GNB1: variants seen among roughly 807,000 people sequenced by gnomAD.
GNB1 encodes the protein G protein subunit beta 1.
Under a neutral mutation model 42.9 loss-of-function variants are expected in GNB1, and 2 were observed. That is an observed-to-expected ratio of 0.05 (90% CI 0.02 to 0.15). The LOEUF is 0.15. Among genes scored for constraint, GNB1 ranks in the 10% least tolerant of loss-of-function variants. The pLI is 1.00. For missense variants in GNB1, 193 were observed against 462.2 expected (o/e 0.42, Z 5.34); for synonymous variants, 183 against 174.7 (o/e 1.05, Z -0.38).
chr1:1,804,946 G>T (rs1646677007), intron 6 of GNB1, among the ~76,000 whole-genome samples: 1 of 152,068 alleles, frequency 6.6e-6, no homozygotes, highest in Non-Finnish European at 1.5e-5. Flanking sequence ...GATCACCTGA[G>T]GTCAGGAGTT....
intron 5 of GNB1, among the ~76,000 whole-genome samples, chr1:1,806,791 T>C (rs1316742857): frequency 6.6e-6 from 1 of 152,122 alleles, no homozygotes; most frequent in Admixed American, 6.6e-5. Context: ...CTGGCCAGCA[T>C]GGCGAAACCC....
At chr1:1,837,553 C>G (rs911467443) in intron 2 of GNB1, among the ~76,000 whole-genome samples, 8 of 146,912 alleles carry the variant, frequency 5.4e-5, no homozygotes, top group Non-Finnish European at 9.0e-5. Flanking sequence ...CATGCCTGGC[C>G]TTTTTGTTTT....
intron 10 of GNB1, chr1:1,788,844 C>A: frequency 5.6e-6 from 3 of 539,436 alleles, no homozygotes; most frequent in Middle Eastern, 5.1e-4. Flanking sequence ...CCCTCCCCGA[C>A]GCATGTGGGA....
intron 5 of GNB1, among the ~76,000 whole-genome samples, chr1:1,810,780 G>A (rs1198029011): frequency 6.7e-5 from 10 of 148,728 alleles, no homozygotes; most frequent in African/African-American, 2.5e-4. Flanking sequence ...CGATTATCCT[G>A]CCTCAGCCTC....
At chr1:1,819,395 A>G (rs1382881057) in intron 3 of GNB1, among the ~76,000 whole-genome samples, 2 of 151,802 alleles carry the variant, frequency 1.3e-5, no homozygotes, top group Non-Finnish European at 1.5e-5. Context: ...CTAATTTAGT[A>G]TTTTTAGTAG....
rs1394767075 is a variant in GNB1, at chr1:1,789,242, T to C, written c.727A>G (p.Thr243Ala). 6 of 1,609,446 alleles carry C rather than the reference T, an allele frequency of 3.7e-6. No individual in the cohort carries two copies. The highest frequency in any genetic ancestry group is 5.1e-6 in the Non-Finnish European group (6 of 1,175,718). Residue 243 changes from threonine to alanine, a missense_variant, in exon 10 of 12, where the codon ACT (threonine) becomes GCT (alanine). Physicochemically the swap from Thr to Ala is moderately conservative, Grantham distance 58. Around this residue, in one of 2 missense-constraint regions of GNB1, gnomAD observed 150 missense variants for 410.8 expected, o/e 0.37. Transcript: ENST00000378609. Reference protein sequence around the residue: ...CFFPNGNAFATGSDDATCRLF... With the variant: ...CFFPNGNAFAAGSDDATCRLF... The stretch of plus-strand genomic sequence containing the variant: ...CTGCAGGTGGCGTCGTCTGAGCCAG[T>C]GGCAAATGCATTGCCATTTGGAAAG...
intron 1 of GNB1, among the ~76,000 whole-genome samples, chr1:1,843,342 C>T (rs565363857): frequency 6.6e-6 from 1 of 152,282 alleles, no homozygotes; most frequent in East Asian, 1.9e-4. Flanking sequence ...GCCTCAGCCT[C>T]CTGAGTAGCT....
intron 2 of GNB1, chr1:1,832,328 C>G (rs1024558788): frequency 6.6e-6 from 1 of 152,188 alleles, no homozygotes; most frequent in Admixed American, 6.6e-5. Context: ...TCCTCTCCTC[C>G]GGTGCCGACG....
In GNB1 at chr1:1,799,230, C is replaced by A. The variant is rs192992744; in HGVS notation, c.430+5189G>T. Among the ~76,000 whole-genome samples, 792 of 152,284 alleles carry A rather than the reference C, an allele frequency of 5.2e-3. 3 individuals carry two copies. Among genetic ancestry groups the A allele is most frequent in the African/African-American group, 0.018 (760 of 41,566 alleles). On this transcript the variant is annotated intron_variant, in intron 7 of 11. Transcript: ENST00000378609. ...CCACCGCGCCCAGCCCACAAACACTCTTAAGAGGCCAAATGTGTGTGTGTG... is the reference window on the plus strand; with the variant it reads ...CCACCGCGCCCAGCCCACAAACACTATTAAGAGGCCAAATGTGTGTGTGTG...
chr1:1,805,386 G>C (rs1646683099), intron 6 of GNB1, among the ~76,000 whole-genome samples: 2 of 151,412 alleles, frequency 1.3e-5, no homozygotes, highest in African/African-American at 4.9e-5. Flanking sequence ...GCTTGAACCA[G>C]GGGGGTGGAG....
chr1:1,825,310 C>T, intron 3 of GNB1, 87 bp downstream of exon 3: 1 of 898,212 alleles, frequency 1.1e-6, no homozygotes, highest in Non-Finnish European at 1.9e-6. Context: ...TAGAACAAGT[C>T]ATCCTGTAAA....
intron 9 of GNB1, among the ~76,000 whole-genome samples, chr1:1,789,821 A>G (rs1646459076): frequency 6.6e-6 from 1 of 152,128 alleles, no homozygotes; most frequent in Non-Finnish European, 1.5e-5. Flanking sequence ...GTCCCCAAAG[A>G]GTAGAATTTA....
At chr1:1,872,841 A>G (rs913444881) in intron 1 of GNB1, among the ~76,000 whole-genome samples, 2 of 152,162 alleles carry the variant, frequency 1.3e-5, no homozygotes, top group African/African-American at 2.4e-5. Flanking sequence ...CACCAAGCAC[A>G]GTGTCTTGCT....
At chr1:1,788,282 AG>A in intron 10 of GNB1, 1 of 153,114 alleles carries the variant, frequency 6.5e-6, no homozygotes, top group Non-Finnish European at 1.5e-5. Context: ...ACTTCCTCCC[AG>A]GGGGATCCGA....
intron 1 of GNB1, among the ~76,000 whole-genome samples, chr1:1,882,937 C>T (rs1325729811): frequency 1.3e-5 from 2 of 149,428 alleles, no homozygotes; most frequent in Non-Finnish European, 3.0e-5. Flanking sequence ...AAAAAAAGGA[C>T]ATAAACTTAC....
At chr1:1,794,842 A>T (rs1319968690) in intron 7 of GNB1, among the ~76,000 whole-genome samples, 1 of 152,124 alleles carries the variant, frequency 6.6e-6, no homozygotes, top group Non-Finnish European at 1.5e-5. Flanking sequence ...GGTGCACGCC[A>T]CCACACACAG....
intron 1 of GNB1, among the ~76,000 whole-genome samples, chr1:1,885,938 G>A (rs1015325225): frequency 2.1e-4 from 31 of 149,860 alleles, no homozygotes; most frequent in Non-Finnish European, 2.1e-4. Context: ...CTGAAAGCCA[G>A]GAGTAATTTC....
intron 5 of GNB1, among the ~76,000 whole-genome samples, chr1:1,810,083 T>C (rs184031315): frequency 1.8e-4 from 27 of 151,636 alleles, no homozygotes; most frequent in African/African-American, 6.5e-4. Context: ...AAAATATATA[T>C]ATATATTTTT....
chr1:1,851,838 G>T (rs978547006), intron 1 of GNB1, among the ~76,000 whole-genome samples: 1 of 152,056 alleles, frequency 6.6e-6, no homozygotes, highest in Non-Finnish European at 1.5e-5. Flanking sequence ...GAGGTCAGGA[G>T]TTTGAGACCA....
Sources: allele counts gnomAD v4.1 joint callset (sites outside exome capture counted in the v4.1 genomes callset), GRCh38; gene constraint gnomAD v4.1.1; regional missense constraint gnomAD v4.1.1; transcripts MANE v1.5; gene names NCBI Gene and HGNC (gene_info 2026-07-23, HGNC 2026-07-21).